Variants in CDC14B observed in about 807,000 individuals in gnomAD.
CDC14B encodes cell division cycle 14B, also known as dual specificity protein phosphatase CDC14B.
Under a neutral mutation model 64.2 loss-of-function variants are expected in CDC14B, and 22 were observed. The ratio of observed to expected loss-of-function variants is 0.34; its 90% CI spans 0.24 to 0.49. The LOEUF (loss-of-function observed/expected upper bound fraction) is 0.49. Ranked by LOEUF, CDC14B falls within the 20% of genes least tolerant of loss-of-function variation. The probability of loss-of-function intolerance (pLI) is 0.99; values close to 1 mark genes in which losing one functional copy is unlikely to be tolerated. For missense variants in CDC14B, 498 were observed against 629.9 expected, an observed-to-expected ratio of 0.79 and a Z score of 2.24; for synonymous variants, 191 against 215.8, an observed-to-expected ratio of 0.89 and a Z score of 1.01.
intron 9 of CDC14B, among the ~76,000 whole-genome samples, chr9:96,524,818 C>T (rs948926344): frequency 1.3e-5 from 2 of 152,206 alleles, no homozygotes; most frequent in African/African-American, 4.8e-5. Flanking sequence ...TCCATACTTG[C>T]ATGAGCCAAT....
At position 96,619,672 on chromosome 9, in the gene CDC14B, C is replaced by T. The variant is rs1253599293; in HGVS notation, c.-294G>A. On this transcript the variant is annotated 5_prime_UTR_variant, in exon 1 of 14. Coordinates refer to ENST00000375241, the MANE Select transcript of CDC14B (RefSeq NM_033331.4). ...GCGCCCCCAGCCCGCCCCCAGGTGC[C>T]CGCAGCCGGCTGGCGCGGCCGAGGC... The T allele has an allele frequency of 6.7e-6, 1 of 148,238 alleles. No homozygotes were observed. The highest frequency in any genetic ancestry group is 1.5e-5 in the Non-Finnish European group (1 of 66,608). 9.2% of individuals were successfully genotyped at this position (148,238 alleles called of 1,614,324 possible).
At chr9:96,573,024 C>T (rs981080774) in intron 1 of CDC14B, among the ~76,000 whole-genome samples, 4 of 152,104 alleles carry the variant, frequency 2.6e-5, no homozygotes, top group East Asian at 1.9e-4. Context: ...AATACAGACA[C>T]GAAGCCAGGC....
At chr9:96,559,492 T>TA (rs1205706806) in intron 4 of CDC14B, among the ~76,000 whole-genome samples, 1 of 152,242 alleles carries the variant, frequency 6.6e-6, no homozygotes, top group Non-Finnish European at 1.5e-5. Flanking sequence ...CACAAATCTT[T>TA]AACCAGAGGA....
intron 5 of CDC14B, among the ~76,000 whole-genome samples, chr9:96,546,891 T>C (rs1440796776): frequency 6.6e-6 from 1 of 151,574 alleles, no homozygotes; most frequent in African/African-American, 2.4e-5. Flanking sequence ...TGAAACCCCG[T>C]CTCTACTAAA....
chr9:96,507,170 AC>A (rs1297498753), intron 13 of CDC14B, among the ~76,000 whole-genome samples: 2 of 151,986 alleles, frequency 1.3e-5, no homozygotes, highest in Non-Finnish European at 2.9e-5. Flanking sequence ...GGCACATGCC[AC>A]CCACAAGTAG....
chr9:96,568,761 C>T (rs897622490), intron 1 of CDC14B, among the ~76,000 whole-genome samples: 1 of 151,996 alleles, frequency 6.6e-6, no homozygotes. Flanking sequence ...ACTAAAAATA[C>T]AAAAAGTTAG....
intron 4 of CDC14B, among the ~76,000 whole-genome samples, chr9:96,558,233 A>G (rs1341185496): frequency 2.0e-5 from 3 of 152,210 alleles, no homozygotes; most frequent in African/African-American, 7.2e-5. Flanking sequence ...CTAGTGTTAG[A>G]TAGCACAGTA....
intron 5 of CDC14B, among the ~76,000 whole-genome samples, chr9:96,547,300 A>G (rs933555362): frequency 4.6e-5 from 7 of 151,692 alleles, no homozygotes; most frequent in Non-Finnish European, 2.9e-5. Context: ...CCCCATCTCT[A>G]CTAAAAATAC....
chr9:96,502,594 ATT>A lies in CDC14B; in HGVS notation c.*1157_*1158del, dbSNP rs34988377. 62,342 of 252,210 alleles carry A rather than the reference ATT, an allele frequency of 0.25. 2,935 individuals carry two copies. The highest frequency in any genetic ancestry group is 0.35 in the African/African-American group (14,783 of 42,400). The allele number at this position is 252,210 out of a possible 1,614,324, so 15.6% of individuals were successfully genotyped here. ...TATATATTCTTTTATTTCGGGCCCC[ATT>A]TTTTTTTTTTTTTTTAGCAGCACAT... On this transcript the variant is annotated 3_prime_UTR_variant, in exon 14 of 14. Transcript: ENST00000375241.
intron 1 of CDC14B, among the ~76,000 whole-genome samples, chr9:96,578,709 C>T (rs1844953067): frequency 1.3e-5 from 2 of 152,168 alleles, no homozygotes; most frequent in Non-Finnish European, 2.9e-5. Flanking sequence ...AGGCAGATGA[C>T]AACTAAATGC....
At chr9:96,530,928 T>A (rs1352711113) in intron 9 of CDC14B, among the ~76,000 whole-genome samples, 1 of 152,248 alleles carries the variant, frequency 6.6e-6, no homozygotes, top group Non-Finnish European at 1.5e-5. Flanking sequence ...ATGGTTTTTG[T>A]CCTTAACGTG....
intron 12 of CDC14B, among the ~76,000 whole-genome samples, chr9:96,518,907 T>C (rs755236498): frequency 2.6e-5 from 4 of 152,058 alleles, no homozygotes; most frequent in East Asian, 3.9e-4. Flanking sequence ...GAGGCCAAGG[T>C]GGGCAGATCA....
At chr9:96,584,329 C>T (rs1845341656) in intron 1 of CDC14B, among the ~76,000 whole-genome samples, 1 of 152,098 alleles carries the variant, frequency 6.6e-6, no homozygotes, top group Non-Finnish European at 1.5e-5. Flanking sequence ...ATCAAAAAGT[C>T]CTAAGGGGTG....
In CDC14B at chr9:96,513,232, C is replaced by T. The variant is rs1835157051; in HGVS notation, c.1344-3443G>A. Among the ~76,000 whole-genome samples, 4 of 152,260 alleles carry T rather than the reference C, an allele frequency of 2.6e-5. No individual in the cohort carries two copies. The East Asian group carries it at 5.8e-4, about 22-fold the overall frequency. ...GAACTTGAGTGTATTAACCACACCA[C>T]GGAAGACTCCAGTTATTTGCACTGA... On this transcript the variant is annotated intron_variant, in intron 12 of 13. Transcript: ENST00000375241.
intron 5 of CDC14B, among the ~76,000 whole-genome samples, chr9:96,548,375 T>C (rs1212481324): frequency 6.6e-6 from 1 of 152,154 alleles, no homozygotes; most frequent in Non-Finnish European, 1.5e-5. Context: ...TTCATAACAA[T>C]GATCCTATGA....
At chr9:96,534,405 G>A in intron 8 of CDC14B, 50 bp downstream of exon 8, 2 of 1,279,596 alleles carry the variant, frequency 1.6e-6, no homozygotes, top group Non-Finnish European at 2.3e-6. Context: ...GAAAATATAG[G>A]ATAGATATTT....
At chr9:96,603,131 G>T (rs2118863149) in intron 1 of CDC14B, among the ~76,000 whole-genome samples, 1 of 149,808 alleles carries the variant, frequency 6.7e-6, no homozygotes, top group South Asian at 2.1e-4. Context: ...GAATAATGTG[G>T]TGTCATTTGA....
intron 13 of CDC14B, 86 bp downstream of exon 13, chr9:96,509,587 A>C: frequency 1.3e-6 from 1 of 799,942 alleles, no homozygotes; most frequent in Non-Finnish European, 2.2e-6. Context: ...TCCTAATTTC[A>C]TGTCAGTCTC....
intron 5 of CDC14B, among the ~76,000 whole-genome samples, chr9:96,550,421 A>T (rs1450148833): frequency 6.6e-6 from 1 of 152,220 alleles, no homozygotes; most frequent in Admixed American, 6.5e-5. Flanking sequence ...AAGTTATTTG[A>T]AAGGGAGATT....
Sources: gnomAD v4.1 joint callset for allele counts (sites outside exome capture counted in the v4.1 genomes callset) on GRCh38, gnomAD v4.1.1 for gene constraint, MANE v1.5 for transcripts, NCBI Gene and HGNC (gene_info 2026-07-23, HGNC 2026-07-21) for gene names.